Variants in SEMA3A observed in about 807,000 individuals in gnomAD.
The protein encoded by SEMA3A is semaphorin 3A.
Under a neutral mutation model 97.9 loss-of-function variants are expected in SEMA3A, and 29 were observed. The observed-to-expected ratio is 0.30, with a 90% CI of 0.22 to 0.40. SEMA3A has a LOEUF of 0.40. Ranked by LOEUF, SEMA3A falls within the 10% of genes least tolerant of loss-of-function variation. SEMA3A has a pLI of 1.00. For missense variants in SEMA3A, 763 were observed against 951.3 expected (o/e 0.80, Z 2.60); for synonymous variants, 321 against 323.7 (o/e 0.99, Z 0.09).
chr7:84,048,917 T>C (rs969142912), intron 5 of SEMA3A, among the ~76,000 whole-genome samples: 1 of 152,044 alleles, frequency 6.6e-6, no homozygotes, highest in Non-Finnish European at 1.5e-5. Context: ...ATTACTTGGA[T>C]AGAAAAGGTG....
intron 1 of SEMA3A, among the ~76,000 whole-genome samples, chr7:84,415,753 A>G (rs929335735): frequency 3.3e-5 from 5 of 152,032 alleles, no homozygotes; most frequent in African/African-American, 9.7e-5. Flanking sequence ...GGTGATATCA[A>G]TTTGCTTCTA....
intron 3 of SEMA3A, among the ~76,000 whole-genome samples, chr7:84,117,185 C>T (rs530122540): frequency 6.6e-6 from 1 of 152,130 alleles, no homozygotes; most frequent in South Asian, 2.1e-4. Context: ...GTATGCAAAC[C>T]ATATGTATAT....
At chr7:84,286,726 C>G (rs12707640) in intron 3 of SEMA3A, among the ~76,000 whole-genome samples, 8,716 of 152,130 alleles carry the variant, frequency 0.057, 285 homozygotes, top group African/African-American at 0.095. Context: ...AAACCCCTTT[C>G]CATCCACACC....
At chr7:84,358,243 TTTC>T (rs1319552096) in intron 2 of SEMA3A, among the ~76,000 whole-genome samples, 1 of 152,144 alleles carries the variant, frequency 6.6e-6, no homozygotes, top group South Asian at 2.1e-4. Flanking sequence ...TTGCCTAGGT[TTTC>T]TTCTAGGGTT....
chr7:84,447,552 A>G (rs906915909), intron 1 of SEMA3A, among the ~76,000 whole-genome samples: 3 of 152,130 alleles, frequency 2.0e-5, no homozygotes, highest in Non-Finnish European at 2.9e-5. Context: ...CGTCAGAACT[A>G]CCAGCTTCAG....
At chr7:84,229,395 A>G (rs141331028) in intron 3 of SEMA3A, among the ~76,000 whole-genome samples, 68 of 152,284 alleles carry the variant, frequency 4.5e-4, no homozygotes, top group Admixed American at 2.2e-3. Flanking sequence ...AGAATCTCAT[A>G]GATAAACATA....
intron 1 of SEMA3A, among the ~76,000 whole-genome samples, chr7:84,381,293 T>C (rs34822336): frequency 0.11 from 16,876 of 152,152 alleles, 1,180 homozygotes; most frequent in East Asian, 0.28. Flanking sequence ...AGGTCAGTCA[T>C]GGTGTTAGCC....
chr7:84,425,391 ATATAT>A (rs1804778193), intron 1 of SEMA3A, among the ~76,000 whole-genome samples: 1 of 132,804 alleles, frequency 7.5e-6, no homozygotes. Context: ...TATGCATATA[ATATAT>A]TCACATAAAT....
At chr7:84,131,283 GT>G (rs927052096) in intron 2 of SEMA3A, among the ~76,000 whole-genome samples, 9 of 152,204 alleles carry the variant, frequency 5.9e-5, no homozygotes, top group African/African-American at 2.2e-4. Context: ...AATTACTAAT[GT>G]TTTGGATGGA....
chr7:84,194,578 C>A lies in SEMA3A; in HGVS notation c.9G>T (p.Trp3Cys). The change falls in exon 1 of 17, where the codon TGG (tryptophan) becomes TGT (cysteine). Residue 3 changes from tryptophan to cysteine, a missense_variant. Trp to Cys is a radical substitution (Grantham distance 215). Around this residue, in one of 2 missense-constraint regions of SEMA3A, gnomAD observed 85 missense variants for 70.0 expected, o/e 1.21. Coordinates refer to ENST00000265362, the MANE Select transcript of SEMA3A (RefSeq NM_006080.3). MG[W>C]LTRIVCLFWG... ...AGAAAAGACAGACAATCCTAGTTAACCAGCCCATGCTGCAGACGCTGTAGG... is the reference window on the plus strand; with the variant it reads ...AGAAAAGACAGACAATCCTAGTTAAACAGCCCATGCTGCAGACGCTGTAGG... 1 of 1,603,696 alleles carries A rather than the reference C, an allele frequency of 6.2e-7. No homozygotes were observed. Among genetic ancestry groups the A allele is most frequent in the Non-Finnish European group, 8.5e-7 (1 of 1,170,654 alleles).
At chr7:83,966,723 T>TC (rs1788708854) in intron 15 of SEMA3A, among the ~76,000 whole-genome samples, 1 of 152,100 alleles carries the variant, frequency 6.6e-6, no homozygotes, top group Admixed American at 6.5e-5. Context: ...TTTTCTTTTT[T>TC]TTTTTGAGAC....
intron 2 of SEMA3A, among the ~76,000 whole-genome samples, chr7:84,366,652 C>T (rs1355423695): frequency 4.0e-5 from 6 of 151,362 alleles, no homozygotes. Context: ...CATACTCTTT[C>T]TGCCTTAATA....
chr7:84,342,977 A>T (rs1802207731), intron 2 of SEMA3A, among the ~76,000 whole-genome samples: 1 of 152,208 alleles, frequency 6.6e-6, no homozygotes, highest in Admixed American at 6.5e-5. Flanking sequence ...GAATAATACA[A>T]CTAATGAGTA....
At chr7:84,445,281 G>A (rs1805380486) in intron 1 of SEMA3A, among the ~76,000 whole-genome samples, 1 of 151,420 alleles carries the variant, frequency 6.6e-6, no homozygotes, top group Non-Finnish European at 1.5e-5. Context: ...CACGAGTTCA[G>A]GAGATCAAGG....
rs1032955383 is a variant in SEMA3A at position 84,435,239 on chromosome 7, C to G, written c.-246+57221G>C. 4.7e-5 allele frequency among the ~76,000 whole-genome samples: 7 copies of G among 149,884 alleles called. No individual in the cohort carries two copies. The East Asian group carries it at 1.4e-3, about 30-fold the overall frequency. ...CAAGCTGACAGCTAAAGAGTGTGAT[C>G]CCATGTACAACAGCTACACACACAC... On this transcript the variant is annotated intron_variant, in intron 1 of 3. Coordinates refer to the SEMA3A transcript ENST00000424555.
At chr7:84,188,316 G>T (rs1443859535) in intron 1 of SEMA3A, among the ~76,000 whole-genome samples, 1 of 151,970 alleles carries the variant, frequency 6.6e-6, no homozygotes, top group East Asian at 1.9e-4. Flanking sequence ...ACAGACTCCA[G>T]CTTTGTTACT....
chr7:84,068,414 AAAGTAT>A (rs1156380729), intron 4 of SEMA3A, among the ~76,000 whole-genome samples: 8 of 148,384 alleles, frequency 5.4e-5, no homozygotes, highest in Non-Finnish European at 1.0e-4. Flanking sequence ...CCTAAAACTT[AAAGTAT>A]AATTAAAAAA....
chr7:84,330,567 C>A (rs1449563799), intron 2 of SEMA3A, among the ~76,000 whole-genome samples: 4 of 152,048 alleles, frequency 2.6e-5, no homozygotes, highest in Admixed American at 2.0e-4. Flanking sequence ...TGTACATTTT[C>A]ATCTCTTATC....
chr7:84,271,908 T>A (rs924405075), intron 3 of SEMA3A, among the ~76,000 whole-genome samples: 1 of 152,118 alleles, frequency 6.6e-6, no homozygotes, highest in Non-Finnish European at 1.5e-5. Context: ...GTCTTTGATA[T>A]AAAATAATAC....
Sources: gnomAD v4.1 joint callset for allele counts (sites outside exome capture counted in the v4.1 genomes callset) on GRCh38, gnomAD v4.1.1 for gene constraint, gnomAD v4.1.1 regional missense constraint, MANE v1.5 for transcripts, NCBI Gene and HGNC (gene_info 2026-07-23, HGNC 2026-07-21) for gene names.